TGM6: variants seen among roughly 807,000 people sequenced by gnomAD.
The protein encoded by TGM6 is transglutaminase 6.
TGM6 carries 74 observed loss-of-function variants against 77.5 expected under a neutral mutation model. That is an observed-to-expected ratio of 0.96 (90% CI 0.79 to 1.16). TGM6 has a LOEUF of 1.16. Ranked by LOEUF, TGM6 falls within the 50% of genes most tolerant of loss-of-function variation. The pLI, the probability that TGM6 is intolerant of heterozygous loss-of-function variation, is 0.00. For synonymous variants in TGM6, 383 were observed against 378.9 expected (o/e 1.01, Z -0.12); for missense variants, 968 against 940.2 (o/e 1.03, Z -0.39).
intron 5 of TGM6, among the ~76,000 whole-genome samples, chr20:2,398,868 G>C (rs938723083): frequency 6.6e-6 from 1 of 152,098 alleles, no homozygotes; most frequent in Non-Finnish European, 1.5e-5. Context: ...AAGGTCAGTG[G>C]GTGGGTATCT....
At chr20:2,413,007 T>C (rs2122397625) in intron 9 of TGM6, among the ~76,000 whole-genome samples, 1 of 152,276 alleles carries the variant, frequency 6.6e-6, no homozygotes, top group East Asian at 1.9e-4. Flanking sequence ...TGAGTTTTTT[T>C]CCCCCAAATT....
chr20:2,395,802 C>T (rs561183890), intron 3 of TGM6, among the ~76,000 whole-genome samples: 1 of 152,324 alleles, frequency 6.6e-6, no homozygotes, highest in South Asian at 2.1e-4. Context: ...CTATGGTGAA[C>T]ACCCATAGGG....
chr20:2,424,566 T>C (rs551311810), intron 10 of TGM6, among the ~76,000 whole-genome samples: 2 of 152,358 alleles, frequency 1.3e-5, no homozygotes, highest in South Asian at 4.1e-4. Context: ...TGTGATCTTA[T>C]ATGGAGATCA....
At position 2,406,871 on chromosome 20, in the gene TGM6, G is replaced by A. The variant is rs1410276980; in HGVS notation, c.1336+3048G>A. 6.3e-5 allele frequency among the ~76,000 whole-genome samples: 7 copies of A among 111,072 alleles called. No individual in the cohort carries two copies. The East Asian group carries it at 1.6e-3, about 26-fold the overall frequency. The allele number at this position is 111,072 out of a possible 152,430, so 72.9% of individuals were successfully genotyped here. Reference sequence around the variant, plus strand: ...AAAAAAAAAAAAAAAAAAAAACCATGGCCACAGGAGAAATTAACATCCTGT... The same window carrying A: ...AAAAAAAAAAAAAAAAAAAAACCATAGCCACAGGAGAAATTAACATCCTGT... On this transcript the variant is annotated intron_variant, in intron 9 of 12. Transcript: ENST00000202625.
Position 2,417,216 on chromosome 20 carries a change from G to A in TGM6, c.1337-16G>A, listed in dbSNP as rs766970070. The A allele has an allele frequency of 7.6e-6, 12 of 1,583,608 alleles. No homozygotes were observed. In the South Asian group the frequency reaches 1.4e-4, roughly 18 times the overall value. Reference sequence around the variant, plus strand: ...CAAGGGGGTGCCTGCCGCTGACGTTGTGTGATGCCCTGCAGGGTCCCGGAA... The same window carrying A: ...CAAGGGGGTGCCTGCCGCTGACGTTATGTGATGCCCTGCAGGGTCCCGGAA... On this transcript the variant is annotated splice_polypyrimidine_tract_variant and intron_variant, in intron 9 of 12. Transcript: ENST00000202625.
chr20:2,421,122 G>T (rs1293996233), intron 10 of TGM6, among the ~76,000 whole-genome samples: 1 of 152,036 alleles, frequency 6.6e-6, no homozygotes, highest in Non-Finnish European at 1.5e-5. Flanking sequence ...GAGTAGCTGG[G>T]ATTACGGGCA....
intron 4 of TGM6, among the ~76,000 whole-genome samples, chr20:2,396,841 A>C (rs1197528307): frequency 6.6e-6 from 1 of 152,192 alleles, no homozygotes; most frequent in Non-Finnish European, 1.5e-5. Context: ...GTTTGGACAC[A>C]GAACAGGTCA....
chr20:2,383,671 A>G (rs984746859), intron 1 of TGM6, among the ~76,000 whole-genome samples: 1 of 152,168 alleles, frequency 6.6e-6, no homozygotes, highest in Non-Finnish European at 1.5e-5. Context: ...GCTGAAAAAC[A>G]CTCTGAAGCT....
chr20:2,427,409 G>A (rs943490513), intron 10 of TGM6, among the ~76,000 whole-genome samples: 2 of 151,866 alleles, frequency 1.3e-5, no homozygotes, highest in Non-Finnish European at 2.9e-5. Flanking sequence ...TATCATATTA[G>A]TAACTTGTGC....
rs2084692277 is a variant in TGM6, at chr20:2,399,670, G to A, written c.782G>A (p.Trp261Ter). The change falls in exon 6 of 13, where the codon TGG (tryptophan) becomes TAG (stop). Residue 261 changes from tryptophan to a stop codon, truncating the protein, a stop_gained. Transcript: ENST00000202625. LOFTEE classifies it high-confidence loss of function. ...GGCAGCGTGGCCATTCTGCAGAAGT[G>A]GCTCAAGGGCAGGTACAAGCCAGTC... is the stretch of plus-strand genomic sequence containing the variant. ...WRGSVAILQK[W>*]LKGRYKPVKY... 1 of 1,613,898 alleles carries A rather than the reference G, an allele frequency of 6.2e-7. No individual in the cohort carries two copies. Among genetic ancestry groups the A allele is most frequent in the Non-Finnish European group, 8.5e-7 (1 of 1,179,980 alleles).
intron 4 of TGM6, 56 bp downstream of exon 4, chr20:2,396,680 G>A: frequency 6.5e-6 from 10 of 1,529,470 alleles, no homozygotes; most frequent in Non-Finnish European, 9.1e-6. Context: ...GGAGGTCGGT[G>A]GGACTGGAGT....
At chr20:2,395,563 A>C in intron 3 of TGM6, 127 bp downstream of exon 3, 9 of 1,551,298 alleles carry the variant, frequency 5.8e-6, no homozygotes, top group African/African-American at 2.7e-5. Context: ...CTGGGCAAGA[A>C]CTTAGCCTAG....
intron 10 of TGM6, among the ~76,000 whole-genome samples, chr20:2,425,465 C>T (rs1247503818): frequency 6.6e-6 from 1 of 151,924 alleles, no homozygotes; most frequent in Non-Finnish European, 1.5e-5. Context: ...GTAAAAAATG[C>T]AATATCTGCA....
intron 10 of TGM6, among the ~76,000 whole-genome samples, chr20:2,423,229 G>C (rs745348212): frequency 6.6e-6 from 1 of 151,802 alleles, no homozygotes; most frequent in Non-Finnish European, 1.5e-5. Flanking sequence ...TCGCCACATT[G>C]AATGACTTTC....
At chr20:2,397,202 G>A (rs1170160285) in intron 4 of TGM6, among the ~76,000 whole-genome samples, 2 of 152,188 alleles carry the variant, frequency 1.3e-5, no homozygotes, top group African/African-American at 4.8e-5. Context: ...ATTGTAGTTG[G>A]GTCTCTACAG....
At chr20:2,401,431 CT>C (rs796111837) in intron 7 of TGM6, among the ~76,000 whole-genome samples, 7 of 152,284 alleles carry the variant, frequency 4.6e-5, no homozygotes, top group African/African-American at 1.7e-4. Context: ...CCTACAGTGC[CT>C]CCCCGCCTTT....
chr20:2,430,756 T>C (rs760073131), intron 11 of TGM6, 138 bp from the exon 12 acceptor site: 27 of 1,583,708 alleles, frequency 1.7e-5, no homozygotes, highest in Middle Eastern at 3.7e-4. Flanking sequence ...ATGGGTGCAA[T>C]AGTGGCACTC....
At chr20:2,424,936 C>T (rs543178653) in intron 10 of TGM6, among the ~76,000 whole-genome samples, 6 of 152,232 alleles carry the variant, frequency 3.9e-5, no homozygotes, top group South Asian at 2.1e-4. Flanking sequence ...AATGGCCAGT[C>T]GGTGGAGCAG....
intron 1 of TGM6, among the ~76,000 whole-genome samples, chr20:2,390,744 G>A (rs1251536486): frequency 1.3e-5 from 2 of 152,156 alleles, no homozygotes; most frequent in African/African-American, 2.4e-5. Flanking sequence ...ATTTATAAAG[G>A]AGTGGTCAGT....
Sources: allele counts gnomAD v4.1 joint callset (sites outside exome capture counted in the v4.1 genomes callset), GRCh38; gene constraint gnomAD v4.1.1; transcripts MANE v1.5; gene names NCBI Gene and HGNC (gene_info 2026-07-23, HGNC 2026-07-21).